Variants in SAMD12 observed in about 807,000 individuals in gnomAD.
SAMD12 encodes sterile alpha motif domain containing 12, also known as sterile alpha motif domain-containing protein 12.
Under a neutral mutation model 15.0 loss-of-function variants are expected in SAMD12, and 9 were observed. The ratio of observed to expected loss-of-function variants is 0.60; its 90% confidence interval spans 0.36 to 1.05. SAMD12 has a LOEUF of 1.05. SAMD12 is among the 50% of genes least tolerant of loss of function. SAMD12 has a pLI of 0.01. For synonymous variants in SAMD12, 86 were observed against 90.1 expected (o/e 0.96, Z 0.25); for missense variants, 230 against 234.2 (o/e 0.98, Z 0.12).
chr8:118,249,578 G>T (rs1211003084), intron 4 of SAMD12, among the ~76,000 whole-genome samples: 3 of 152,130 alleles, frequency 2.0e-5, no homozygotes, highest in African/African-American at 7.2e-5. Context: ...TTCAGCTGTG[G>T]TTTCTGGTCT....
chr8:118,383,506 A>G (rs973351836), intron 3 of SAMD12, among the ~76,000 whole-genome samples: 3 of 150,656 alleles, frequency 2.0e-5, no homozygotes, highest in Non-Finnish European at 4.4e-5. Context: ...GCCATCGTAG[A>G]CAGACAACAG....
chr8:118,288,173 G>A (rs1814155875), intron 4 of SAMD12: 1 of 152,138 alleles, frequency 6.6e-6, no homozygotes, highest in Non-Finnish European at 1.5e-5. Context: ...TAAAGATTTT[G>A]TAGATATTAT....
At chr8:118,195,365 A>G (rs542356555) in exon 5 of SAMD12, 1 of 152,308 alleles carries the variant, frequency 6.6e-6, no homozygotes, top group East Asian at 1.9e-4. Context: ...TGGATGAGTT[A>G]TAGAATTGGA....
rs182104399 is a variant in SAMD12 at position 118,237,220 on chromosome 8, A to T, written c.434-39488T>A. ...TGTCTTAAAAATTTTGTAACCTTGGATAAATTACTCTAGGTGTCCCTGTCT... is the reference window on the plus strand; with the variant it reads ...TGTCTTAAAAATTTTGTAACCTTGGTTAAATTACTCTAGGTGTCCCTGTCT... On this transcript the variant is annotated intron_variant, in intron 4 of 4. Transcript: ENST00000409003. 2.0e-5 allele frequency among the ~76,000 whole-genome samples: 3 copies of T among 152,290 alleles called. No individual in the cohort carries two copies. The East Asian group carries it at 5.8e-4, about 29-fold the overall frequency.
At chr8:118,451,009 T>C (rs1386722836) in intron 2 of SAMD12, among the ~76,000 whole-genome samples, 1 of 152,164 alleles carries the variant, frequency 6.6e-6, no homozygotes, top group Non-Finnish European at 1.5e-5. Flanking sequence ...CCACAAAACA[T>C]GGGAAGAGTT....
the SAMD12 span, among the ~76,000 whole-genome samples, chr8:118,179,818 A>G: frequency 6.6e-6 from 1 of 152,200 alleles, no homozygotes; most frequent in Non-Finnish European, 1.5e-5. Flanking sequence ...GTGGGTACTT[A>G]TAAAGCCTAG....
At chr8:118,543,633 T>TTTTTTTC (rs1826046446) in intron 2 of SAMD12, among the ~76,000 whole-genome samples, 1 of 121,340 alleles carries the variant, frequency 8.2e-6, no homozygotes, top group African/African-American at 3.8e-5. Flanking sequence ...CTTTCTTTCT[T>TTTTTTTC]TTTTTTTTTT....
chr8:118,597,052 G>A (rs886359902), intron 1 of SAMD12, among the ~76,000 whole-genome samples: 2 of 152,138 alleles, frequency 1.3e-5, no homozygotes, highest in East Asian at 1.9e-4. Context: ...CTGGAGGGAC[G>A]GTGATACACT....
chr8:118,432,456 C>G (rs1822444767), intron 3 of SAMD12, among the ~76,000 whole-genome samples: 1 of 152,178 alleles, frequency 6.6e-6, no homozygotes, highest in Non-Finnish European at 1.5e-5. Context: ...AAGCAAGAAT[C>G]TAATGGGGGC....
chr8:118,591,617 C>T (rs1827587207), intron 1 of SAMD12, among the ~76,000 whole-genome samples: 1 of 151,570 alleles, frequency 6.6e-6, no homozygotes, highest in Admixed American at 6.6e-5. Context: ...ACAGTATAGA[C>T]ATAAAAAGTG....
intron 4 of SAMD12, among the ~76,000 whole-genome samples, chr8:118,273,337 T>A (rs970749574): frequency 2.0e-5 from 3 of 152,134 alleles, no homozygotes; most frequent in Admixed American, 6.6e-5. Context: ...TTAAATTACC[T>A]CCCACCACAT....
At chr8:118,361,667 A>C (rs1818505401) in intron 4 of SAMD12, among the ~76,000 whole-genome samples, 1 of 152,206 alleles carries the variant, frequency 6.6e-6, no homozygotes, top group Non-Finnish European at 1.5e-5. Flanking sequence ...CTGCCCTAAC[A>C]CACACAGACG....
chr8:118,383,235 C>G (rs1045165393), intron 3 of SAMD12, among the ~76,000 whole-genome samples: 1 of 152,146 alleles, frequency 6.6e-6, no homozygotes, highest in Non-Finnish European at 1.5e-5. Context: ...CAGTGATGAA[C>G]ACAGCAGACA....
intron 2 of SAMD12, among the ~76,000 whole-genome samples, chr8:118,571,991 G>A (rs775759742): frequency 3.3e-5 from 5 of 152,196 alleles, no homozygotes; most frequent in Non-Finnish European, 7.3e-5. Flanking sequence ...AAAGCCACAG[G>A]CACTCAATGC....
At chr8:118,298,049 C>T (rs775058482) in intron 4 of SAMD12, among the ~76,000 whole-genome samples, 40 of 145,468 alleles carry the variant, frequency 2.7e-4, no homozygotes, top group Non-Finnish European at 4.9e-4. Context: ...AGCCTTCTTA[C>T]CCGACAGGTG....
At chr8:118,165,070 T>C in the SAMD12 span, among the ~76,000 whole-genome samples, 5 of 151,354 alleles carry the variant, frequency 3.3e-5, no homozygotes, top group Non-Finnish European at 7.4e-5. Context: ...TCAATTCTCA[T>C]GCTATCTGTC....
intron 4 of SAMD12, among the ~76,000 whole-genome samples, chr8:118,318,329 T>TATATATATATATATAC (rs1816042128): frequency 9.2e-5 from 7 of 76,132 alleles, no homozygotes; most frequent in Non-Finnish European, 1.7e-4. Context: ...TATATATATA[T>TATATATATATATATAC]ATATATATAT....
downstream of SAMD12, chr8:118,375,637 G>A (rs1819347808): frequency 1.3e-5 from 2 of 152,082 alleles, no homozygotes; most frequent in South Asian, 2.1e-4. Context: ...AGCAAAATGT[G>A]TTAGGTACAG....
intron 1 of SAMD12, among the ~76,000 whole-genome samples, chr8:118,598,902 A>G (rs1182325338): frequency 6.6e-6 from 1 of 152,236 alleles, no homozygotes; most frequent in Non-Finnish European, 1.5e-5. Flanking sequence ...TCAGGTGATT[A>G]TAATAGGCAG....
Sources: allele counts gnomAD v4.1 joint callset (sites outside exome capture counted in the v4.1 genomes callset), GRCh38; gene constraint gnomAD v4.1.1; transcripts MANE v1.5; gene names NCBI Gene and HGNC (gene_info 2026-07-23, HGNC 2026-07-21).